Variants in MACROD2 observed in about 807,000 individuals in gnomAD.
MACROD2 encodes the protein mono-ADP ribosylhydrolase 2.
In MACROD2, 36 loss-of-function variants were observed where a neutral mutation model predicts 70.4. The observed-to-expected ratio is 0.51, with a 90% confidence interval of 0.39 to 0.68. The LOEUF is 0.68. Among genes scored for constraint, MACROD2 ranks in the 30% least tolerant of loss-of-function variants. MACROD2 has a pLI of 0.00. For missense variants in MACROD2, 496 were observed against 538.4 expected, an observed-to-expected ratio of 0.92 and a Z score of 0.78; for synonymous variants, 172 against 178.8, an observed-to-expected ratio of 0.96 and a Z score of 0.30.
At chr20:15,027,725 T>A (rs1469770060) in intron 5 of MACROD2, among the ~76,000 whole-genome samples, 91 of 140,476 alleles carry the variant, frequency 6.5e-4, no homozygotes, top group African/African-American at 1.7e-3. Context: ...AAAAAAAAAA[T>A]GAAAAAAAAT....
chr20:15,424,961 C>T (rs2046278515), intron 6 of MACROD2, among the ~76,000 whole-genome samples: 4 of 152,126 alleles, frequency 2.6e-5, no homozygotes, highest in South Asian at 4.1e-4. Context: ...AATTAGGGGC[C>T]GCCTGAGGAG....
chr20:15,790,316 A>G (rs568751726), intron 8 of MACROD2, among the ~76,000 whole-genome samples: 223 of 152,086 alleles, frequency 1.5e-3, no homozygotes, highest in African/African-American at 4.9e-3. Context: ...GAATTTTTAC[A>G]TTCTTATTAT....
intron 3 of MACROD2, among the ~76,000 whole-genome samples, chr20:14,477,571 A>G (rs1456519941): frequency 2.6e-5 from 4 of 152,110 alleles, no homozygotes; most frequent in Non-Finnish European, 4.4e-5. Flanking sequence ...ACTTCTTTCT[A>G]GGTATTTTTT....
At chr20:15,256,141 C>T (rs538265876) in intron 6 of MACROD2, among the ~76,000 whole-genome samples, 11 of 152,066 alleles carry the variant, frequency 7.2e-5, no homozygotes, top group Non-Finnish European at 1.3e-4. Flanking sequence ...TGGTCAAAAG[C>T]GAGTTAAAGA....
intron 5 of MACROD2, among the ~76,000 whole-genome samples, chr20:14,857,907 G>A (rs930549690): frequency 5.9e-5 from 9 of 152,010 alleles, no homozygotes; most frequent in African/African-American, 1.2e-4. Context: ...TGCAACCTCC[G>A]CCTCCCGGGT....
At position 14,660,648 on chromosome 20, in the gene MACROD2, C is replaced by A. The variant is rs1199997332; in HGVS notation, c.302-24195C>A. 2.0e-5 allele frequency among the ~76,000 whole-genome samples: 3 copies of A among 152,142 alleles called. No homozygotes were observed. In the East Asian group the frequency reaches 5.8e-4, roughly 29 times the overall value. ...TCTAATGATCCCATCACCCAAGTAGCGAACATAGAACCTGATAGGTAATTT... is the reference window on the plus strand; with the variant it reads ...TCTAATGATCCCATCACCCAAGTAGAGAACATAGAACCTGATAGGTAATTT... On this transcript the variant is annotated intron_variant, in intron 4 of 17. Coordinates refer to ENST00000684519, the MANE Select transcript of MACROD2 (RefSeq NM_001351661.2).
intron 2 of MACROD2, among the ~76,000 whole-genome samples, chr20:14,011,041 T>C (rs989429904): frequency 2.6e-5 from 4 of 152,212 alleles, no homozygotes; most frequent in African/African-American, 7.2e-5. Flanking sequence ...TTCCATAGAA[T>C]ACTGTGTGTA....
Position 14,720,112 on chromosome 20 carries a change from T to A in MACROD2, c.418+35153T>A, listed in dbSNP as rs576064327. ...AAAAGAAAAACAACCCTCCTTTTAT[T>A]GATACTTTTTTCTCAAATATAGTGA... On this transcript the variant is annotated intron_variant, in intron 5 of 17. Transcript: ENST00000684519. Among the ~76,000 whole-genome samples, 22 of 152,302 alleles carry A rather than the reference T, an allele frequency of 1.4e-4. No homozygotes were observed. The South Asian group carries it at 4.4e-3, about 30-fold the overall frequency.
At chr20:15,732,353 A>G (rs564874627) in intron 8 of MACROD2, among the ~76,000 whole-genome samples, 23 of 152,292 alleles carry the variant, frequency 1.5e-4, no homozygotes, top group Non-Finnish European at 2.9e-4. Context: ...CAGAGCCACA[A>G]TGACTGCTGC....
rs550368983 is a variant in MACROD2, at chr20:14,515,404, G to A, written c.301+21896G>A. Among the ~76,000 whole-genome samples, 35 of 149,224 alleles carry A rather than the reference G, an allele frequency of 2.3e-4. No homozygotes were observed. The South Asian group carries it at 7.1e-3, about 30-fold the overall frequency. On this transcript the variant is annotated intron_variant, in intron 4 of 17. Transcript: ENST00000684519. ...CCATTATTCACATAGCCAAGATATG[G>A]AAGCAACCCAGTATCTATCCGTAGT...
At chr20:14,001,853 A>G (rs147548922) in intron 1 of MACROD2, among the ~76,000 whole-genome samples, 1 of 152,194 alleles carries the variant, frequency 6.6e-6, no homozygotes, top group African/African-American at 2.4e-5. Flanking sequence ...AAAACTCACT[A>G]TCTTGAGGCT....
At chr20:15,152,644 A>G (rs961608982) in intron 5 of MACROD2, among the ~76,000 whole-genome samples, 26 of 97,424 alleles carry the variant, frequency 2.7e-4, no homozygotes, top group Non-Finnish European at 3.9e-4. Flanking sequence ...AGGGGTAGAG[A>G]CACAGAGAAG....
chr20:14,139,477 C>G (rs1262606256), intron 3 of MACROD2, among the ~76,000 whole-genome samples: 1 of 152,172 alleles, frequency 6.6e-6, no homozygotes, highest in Non-Finnish European at 1.5e-5. Context: ...TTTTACTCAT[C>G]TGTTCCTATT....
intron 3 of MACROD2, among the ~76,000 whole-genome samples, chr20:14,254,336 A>C (rs1331446258): frequency 6.6e-6 from 1 of 152,092 alleles, no homozygotes; most frequent in African/African-American, 2.4e-5. Context: ...CTAAGAATAT[A>C]CACTTGAATG....
intron 5 of MACROD2, among the ~76,000 whole-genome samples, chr20:15,010,677 C>T (rs993680342): frequency 1.3e-5 from 2 of 152,088 alleles, no homozygotes; most frequent in East Asian, 3.9e-4. Flanking sequence ...ACATACCCAC[C>T]GTTTTTTATA....
chr20:14,522,923 A>T (rs1390191764), intron 4 of MACROD2, among the ~76,000 whole-genome samples: 1 of 152,166 alleles, frequency 6.6e-6, no homozygotes, highest in Non-Finnish European at 1.5e-5. Flanking sequence ...ATCTGTAGGC[A>T]CTCAGTAAAT....
Position 13,995,865 on chromosome 20 carries a change from G to T in MACROD2, c.46+56G>T. 1.3e-6 allele frequency: 2 copies of T among 1,482,230 alleles called. No homozygotes were observed. Among genetic ancestry groups the T allele is most frequent in the South Asian group, 1.2e-5 (1 of 82,744 alleles). The allele number at this position is 1,482,230 out of a possible 1,614,324, so 91.8% of individuals were successfully genotyped here. A position where few individuals can be genotyped will look rare whatever the true frequency, so the allele number is the denominator to read the frequency against. On this transcript the variant is annotated intron_variant, in intron 1 of 17. Transcript: ENST00000684519. The surrounding 1 kb of genome is among the most constrained non-coding windows in gnomAD (Gnocchi z 4.3). ...GGCGGTGGGGGTTAGGGTGGGGGCG[G>T]GGGTCAGGCTGTGTGTGCCGCGGCG...
At chr20:14,423,966 T>C (rs1453561691) in intron 3 of MACROD2, among the ~76,000 whole-genome samples, 1 of 151,576 alleles carries the variant, frequency 6.6e-6, no homozygotes, top group Non-Finnish European at 1.5e-5. Flanking sequence ...TTCTCCGTGT[T>C]GGTCAGGCTA....
rs74806181 is a variant in MACROD2, at chr20:14,616,541, C to T, written c.302-68302C>T. 5.4e-3 allele frequency among the ~76,000 whole-genome samples: 822 copies of T among 152,104 alleles called. 16 individuals are homozygous for T. Among genetic ancestry groups the T allele is most frequent in the African/African-American group, 0.019 (770 of 41,512 alleles). Reference sequence around the variant, plus strand: ...ATGATGTTAAGTGTAAGGCCACCCTCGGTGATTTAATTTTGAGGGCCAGTA... The same window carrying T: ...ATGATGTTAAGTGTAAGGCCACCCTTGGTGATTTAATTTTGAGGGCCAGTA... On this transcript the variant is annotated intron_variant, in intron 4 of 17. Transcript: ENST00000684519.
Sources: allele counts gnomAD v4.1 joint callset (sites outside exome capture counted in the v4.1 genomes callset), GRCh38; gene constraint gnomAD v4.1.1; non-coding constraint Gnocchi (gnomAD v3.1); transcripts MANE v1.5; gene names NCBI Gene and HGNC (gene_info 2026-07-23, HGNC 2026-07-21).